The following ADAMTS14 variants were observed in gnomAD, a reference collection of about 807,000 sequenced individuals.
The protein encoded by ADAMTS14 is A disintegrin and metalloproteinase with thrombospondin motifs 14.
In ADAMTS14, 100 loss-of-function variants were observed where a neutral mutation model predicts 128.6. The ratio of observed to expected loss-of-function variants is 0.78; its 90% CI spans 0.66 to 0.92. The LOEUF is 0.92. Among genes scored for constraint, ADAMTS14 ranks in the 40% least tolerant of loss-of-function variants. The pLI, the probability that ADAMTS14 is intolerant of heterozygous loss-of-function variation, is 0.00. For synonymous variants in ADAMTS14, 665 were observed against 653.8 expected, an observed-to-expected ratio of 1.02 and a Z score of -0.26; for missense variants, 1,562 against 1,658.6, an observed-to-expected ratio of 0.94 and a Z score of 1.01.
At chr10:70,700,417 G>A (rs941683105) in intron 2 of ADAMTS14, among the ~76,000 whole-genome samples, 1 of 152,136 alleles carries the variant, frequency 6.6e-6, no homozygotes, top group African/African-American at 2.4e-5. Flanking sequence ...CAGTCCCTGG[G>A]TGACCTTGTG....
chr10:70,732,580 G>T (rs1841681749), intron 7 of ADAMTS14, among the ~76,000 whole-genome samples: 1 of 152,224 alleles, frequency 6.6e-6, no homozygotes, highest in Non-Finnish European at 1.5e-5. Context: ...AGTAATTTGG[G>T]CCTGCCTTGG....
intron 19 of ADAMTS14, among the ~76,000 whole-genome samples, 176 bp from the exon 20 acceptor site, chr10:70,757,786 G>T (rs1448804620): frequency 2.0e-5 from 3 of 152,206 alleles, no homozygotes; most frequent in Non-Finnish European, 2.9e-5. Context: ...GTCCCACTGA[G>T]GCTCCTTAGA....
chr10:70,674,755 G>A lies in ADAMTS14; in HGVS notation c.282G>A (p.Gly94=). 2 of 1,613,470 alleles carry A rather than the reference G, an allele frequency of 1.2e-6. No homozygotes were observed. The highest frequency in any genetic ancestry group is 1.7e-6 in the Non-Finnish European group (2 of 1,179,966). Residue 94 remains glycine (G), a synonymous_variant, in exon 2 of 22, where the codon GGG becomes GGA. Transcript: ENST00000373207. ...CTCGCAGCCCTCTGCACCCAGGAGGGACCCTGTGGCCTGGCAGGGTGGGGC... is the reference window on the plus strand; with the variant it reads ...CTCGCAGCCCTCTGCACCCAGGAGGAACCCTGTGGCCTGGCAGGGTGGGGC... The part of the protein sequence containing the change: ...RVARSPLHPG[G]TLWPGRVGRH...
intron 3 of ADAMTS14, among the ~76,000 whole-genome samples, chr10:70,702,978 C>G (rs1284989879): frequency 6.6e-6 from 1 of 152,148 alleles, no homozygotes; most frequent in Non-Finnish European, 1.5e-5. Flanking sequence ...TCTGAGCCCT[C>G]ATTTTCCTCA....
intron 4 of ADAMTS14, among the ~76,000 whole-genome samples, chr10:70,725,936 C>T (rs905755072): frequency 3.3e-5 from 5 of 152,172 alleles, no homozygotes; most frequent in African/African-American, 7.2e-5. Context: ...CCTGCCCAGA[C>T]GCTGTTTCCC....
rs1842366738 is a variant in ADAMTS14, at chr10:70,752,087, C to T, written c.2597-8C>T. ...GACTAGGCCCACGGCAGCCTGCCCA[C>T]CCCATAGGGATCCAGTTCACCAAAT... On this transcript the variant is annotated splice_polypyrimidine_tract_variant and splice_region_variant and intron_variant, in intron 17 of 21. Coordinates refer to ENST00000373207, the MANE Select transcript of ADAMTS14 (RefSeq NM_080722.4). The T allele has an allele frequency of 1.2e-6, 2 of 1,610,886 alleles. No homozygotes were observed. Among genetic ancestry groups the T allele is most frequent in the Non-Finnish European group, 1.7e-6 (2 of 1,178,694 alleles).
chr10:70,679,981 C>G (rs72814514), intron 2 of ADAMTS14, among the ~76,000 whole-genome samples: 41,306 of 152,026 alleles, frequency 0.27, 6,072 homozygotes, highest in Middle Eastern at 0.35. Flanking sequence ...AGGGTAAGGG[C>G]CTTCTTTATG....
At chr10:70,685,861 T>A (rs1245099484) in intron 2 of ADAMTS14, among the ~76,000 whole-genome samples, 1 of 152,166 alleles carries the variant, frequency 6.6e-6, no homozygotes, top group Non-Finnish European at 1.5e-5. Context: ...GAGGTGTTTA[T>A]GAGGCTCCCA....
intron 2 of ADAMTS14, among the ~76,000 whole-genome samples, chr10:70,681,469 G>A (rs548684020): frequency 2.0e-5 from 3 of 152,334 alleles, no homozygotes; most frequent in African/African-American, 7.2e-5. Context: ...CCTCACCATG[G>A]AGCTTGGCCT....
At chr10:70,755,744 G>C (rs551318715) in intron 19 of ADAMTS14, among the ~76,000 whole-genome samples, 126 of 152,312 alleles carry the variant, frequency 8.3e-4, no homozygotes, top group Non-Finnish European at 1.7e-3. Context: ...AGCTACTCGG[G>C]AGGCTGAGGC....
intron 3 of ADAMTS14, among the ~76,000 whole-genome samples, chr10:70,706,137 A>G (rs78720662): frequency 0.024 from 3,661 of 151,228 alleles, 62 homozygotes; most frequent in Non-Finnish European, 0.03. Context: ...GACCCACAGA[A>G]GAGGGTGTGG....
intron 4 of ADAMTS14, among the ~76,000 whole-genome samples, chr10:70,722,597 G>T (rs1472998769): frequency 6.6e-6 from 1 of 152,156 alleles, no homozygotes; most frequent in East Asian, 1.9e-4. Flanking sequence ...CAGGGAATAT[G>T]CAAGATGACC....
chr10:70,719,514 G>A (rs142462204), intron 4 of ADAMTS14, among the ~76,000 whole-genome samples: 3,124 of 152,044 alleles, frequency 0.021, 125 homozygotes, highest in African/African-American at 0.07. Context: ...TGATCCTCCT[G>A]CCTCAGCCTC....
intron 3 of ADAMTS14, among the ~76,000 whole-genome samples, chr10:70,707,233 C>A (rs927894833): frequency 1.3e-5 from 2 of 152,220 alleles, no homozygotes; most frequent in Non-Finnish European, 2.9e-5. Context: ...ACCTACCCAC[C>A]GTCCATCCAT....
intron 4 of ADAMTS14, among the ~76,000 whole-genome samples, chr10:70,719,090 G>T (rs926584525): frequency 6.6e-6 from 1 of 152,006 alleles, no homozygotes; most frequent in Admixed American, 6.6e-5. Context: ...GCATCTAGTT[G>T]GTAGAGGCCA....
intron 19 of ADAMTS14, among the ~76,000 whole-genome samples, chr10:70,756,893 A>T (rs1248756654): frequency 6.6e-6 from 1 of 152,184 alleles, no homozygotes; most frequent in Non-Finnish European, 1.5e-5. Flanking sequence ...GACCCTATTC[A>T]TATAATCAAC....
At chr10:70,728,158 G>C (rs1841505305) in intron 4 of ADAMTS14, among the ~76,000 whole-genome samples, 1 of 151,768 alleles carries the variant, frequency 6.6e-6, no homozygotes, top group African/African-American at 2.4e-5. Context: ...CAAAGCACTA[G>C]GATTACAGGC....
intron 4 of ADAMTS14, among the ~76,000 whole-genome samples, chr10:70,722,591 G>C (rs1428578905): frequency 6.6e-6 from 1 of 152,154 alleles, no homozygotes; most frequent in Admixed American, 6.5e-5. Context: ...CTAGGGCAGG[G>C]AATATGCAAG....
chr10:70,730,056 G>A, intron 5 of ADAMTS14, 46 bp from the exon 6 acceptor site: 1 of 1,545,324 alleles, frequency 6.5e-7, no homozygotes, highest in Non-Finnish European at 8.7e-7. Flanking sequence ...TGTTTCTAGG[G>A]CTCTGACCCT....
Sources: gnomAD v4.1 joint callset for allele counts (sites outside exome capture counted in the v4.1 genomes callset) on GRCh38, gnomAD v4.1.1 for gene constraint, MANE v1.5 for transcripts, NCBI Gene and HGNC (gene_info 2026-07-23, HGNC 2026-07-21) for gene names.